The following VPS13C variants were observed in gnomAD, a reference collection of about 807,000 sequenced individuals.
The protein encoded by VPS13C is intermembrane lipid transfer protein VPS13C.
VPS13C carries 358 observed loss-of-function variants against 456.8 expected under a neutral mutation model. The ratio of observed to expected loss-of-function variants is 0.78; its 90% CI spans 0.72 to 0.86. VPS13C has a LOEUF of 0.86. Among genes scored for constraint, VPS13C ranks in the 40% least tolerant of loss-of-function variants. The pLI is 0.00. For missense variants in VPS13C, 4,818 were observed against 4,385.4 expected (o/e 1.10, Z -2.79); for synonymous variants, 1,578 against 1,486.7 (o/e 1.06, Z -1.41).
chr15:62,031,979 A>G (rs537861557), intron 5 of VPS13C, among the ~76,000 whole-genome samples: 1 of 151,890 alleles, frequency 6.6e-6, no homozygotes, highest in Admixed American at 6.6e-5. Flanking sequence ...TTTTAGGCAA[A>G]TATAATTATG....
At chr15:62,006,210 C>T (rs951821508) in intron 15 of VPS13C, among the ~76,000 whole-genome samples, 3 of 151,838 alleles carry the variant, frequency 2.0e-5, no homozygotes, top group African/African-American at 7.3e-5. Context: ...CCCATTAACT[C>T]ATCATTTAGC....
intron 82 of VPS13C, among the ~76,000 whole-genome samples, chr15:61,859,159 C>T (rs1894089349): frequency 6.6e-6 from 1 of 151,894 alleles, no homozygotes; most frequent in Non-Finnish European, 1.5e-5. Context: ...CTGCTTGAGC[C>T]CAGAGTTGAA....
intron 66 of VPS13C, among the ~76,000 whole-genome samples, chr15:61,892,941 G>T (rs1397826228): frequency 6.6e-6 from 1 of 151,996 alleles, no homozygotes; most frequent in African/African-American, 2.4e-5. Context: ...AATACACAGA[G>T]GAGAAAACAG....
At chr15:62,033,217 G>C (rs192793892) in intron 5 of VPS13C, among the ~76,000 whole-genome samples, 1 of 151,326 alleles carries the variant, frequency 6.6e-6, no homozygotes, top group Admixed American at 6.6e-5. Flanking sequence ...ATTAAGAAAA[G>C]TGGAAAAATC....
At chr15:61,873,966 A>G (rs1895224119) in intron 77 of VPS13C, among the ~76,000 whole-genome samples, 1 of 151,768 alleles carries the variant, frequency 6.6e-6, no homozygotes, top group South Asian at 2.1e-4. Flanking sequence ...TGATACACAC[A>G]CACACACACA....
At chr15:61,959,245 T>C (rs2045111676) in intron 36 of VPS13C, among the ~76,000 whole-genome samples, 1 of 152,124 alleles carries the variant, frequency 6.6e-6, no homozygotes, top group African/African-American at 2.4e-5. Flanking sequence ...CCAATATGTA[T>C]GTATAATAAA....
At position 61,863,507 on chromosome 15, in the gene VPS13C, C is replaced by T; in HGVS notation, c.10885G>A (p.Gly3629Arg). 1 of 1,612,662 alleles carries T rather than the reference C, an allele frequency of 6.2e-7. No individual in the cohort carries two copies. The highest frequency in any genetic ancestry group is 1.3e-5 in the African/African-American group (1 of 74,942). ...GCACAGTGGTATCGGTAAGTCTCTC[C>T]TTCCAACTTTTTGATATGATTCTGA... Reference protein sequence around the residue: ...LLENHIKKLEGETYRYHCAIP... With the variant: ...LLENHIKKLERETYRYHCAIP... Residue 3629 changes from glycine to arginine, a missense_variant, in exon 82 of 85, where the codon GGA becomes AGA. Around this residue, in one of 3 missense-constraint regions of VPS13C, gnomAD observed 261 missense variants for 234.1 expected, o/e 1.11. Transcript: ENST00000644861.
intron 8 of VPS13C, among the ~76,000 whole-genome samples, chr15:62,021,435 A>G (rs1468262738): frequency 6.6e-6 from 1 of 151,932 alleles, no homozygotes; most frequent in Non-Finnish European, 1.5e-5. Flanking sequence ...AAAATCTGTC[A>G]ACATTAAGTT....
At chr15:62,005,480 G>C (rs2046800066) in intron 15 of VPS13C, among the ~76,000 whole-genome samples, 3 of 152,010 alleles carry the variant, frequency 2.0e-5, no homozygotes, top group Admixed American at 2.0e-4. Context: ...CAATTTGCCA[G>C]TCTGTGTCTT....
chr15:62,012,278 T>C, intron 11 of VPS13C, 114 bp from the exon 12 acceptor site: 1 of 568,866 alleles, frequency 1.8e-6, no homozygotes, highest in South Asian at 2.4e-5. Flanking sequence ...TCTTCATCAA[T>C]ATCTTTGCTT....
At chr15:61,909,264 G>T in intron 64 of VPS13C, 139 bp from the exon 65 acceptor site, 1 of 1,049,112 alleles carries the variant, frequency 9.5e-7, no homozygotes, top group Non-Finnish European at 1.4e-6. Flanking sequence ...CTGGAGTACA[G>T]TGGCGCCATC....
chr15:61,984,644 T>C (rs956838464), intron 19 of VPS13C, among the ~76,000 whole-genome samples: 3 of 152,002 alleles, frequency 2.0e-5, no homozygotes, highest in Non-Finnish European at 2.9e-5. Context: ...CAATAAATAT[T>C]CACAAAGGAA....
In VPS13C at chr15:61,942,079, G is replaced by A. The variant is rs768778722; in HGVS notation, c.5149-12C>T. The stretch of plus-strand genomic sequence containing the variant: ...TTGTTGAGGAAGTTCTGTTGGAAGA[G>A]ACAGATATTTAGGGGAAAAAAGGCA... On this transcript the variant is annotated splice_polypyrimidine_tract_variant and intron_variant, in intron 45 of 84. Coordinates refer to ENST00000644861, the MANE Select transcript of VPS13C (RefSeq NM_020821.3). 1.3e-6 allele frequency: 2 copies of A among 1,540,100 alleles called. No individual in the cohort carries two copies. The highest frequency in any genetic ancestry group is 1.3e-5 in the South Asian group (1 of 77,804).
chr15:62,026,813 G>A (rs1246758151), intron 6 of VPS13C, among the ~76,000 whole-genome samples: 2 of 152,154 alleles, frequency 1.3e-5, no homozygotes, highest in Admixed American at 6.5e-5. Flanking sequence ...TTCATCAAGG[G>A]AATTCTTAAG....
chr15:62,011,636 G>C (rs957674329), intron 12 of VPS13C, among the ~76,000 whole-genome samples: 5 of 152,038 alleles, frequency 3.3e-5, no homozygotes, highest in Middle Eastern at 3.4e-3. Flanking sequence ...AGGAAGCTTT[G>C]TTAGAGATCC....
At chr15:62,022,170 G>C (rs1311228227) in intron 8 of VPS13C, among the ~76,000 whole-genome samples, 3 of 151,784 alleles carry the variant, frequency 2.0e-5, no homozygotes, top group African/African-American at 7.3e-5. Flanking sequence ...TTATCCTCTG[G>C]AGATATGTTC....
At chr15:61,887,274 C>A (rs531125085) in intron 67 of VPS13C, among the ~76,000 whole-genome samples, 1 of 152,240 alleles carries the variant, frequency 6.6e-6, no homozygotes, top group African/African-American at 2.4e-5. Context: ...AAAATAAAAA[C>A]AGAATACCAT....
At position 62,037,385 on chromosome 15, in the gene VPS13C, TATATA is replaced by T. The variant is rs1168724505; in HGVS notation, c.188-2338_188-2334del. Among the ~76,000 whole-genome samples, 67 of 90,498 alleles carry T rather than the reference TATATA, an allele frequency of 7.4e-4. 2 individuals are homozygous for T. The highest frequency in any genetic ancestry group is 1.3e-3 in the Non-Finnish European group (59 of 45,742). The allele number at this position is 90,498 out of a possible 152,430, so 59.4% of individuals were successfully genotyped here. On this transcript the variant is annotated intron_variant, in intron 3 of 84. Transcript: ENST00000644861. ...GTATATAATATATTATATATAAATG[TATATA>T]ATATATTATATATAAATATATATAA...
rs1350043569 is a variant in VPS13C, at chr15:61,867,883, T to G, written c.10863+776A>C. The G allele has an allele frequency of 3.1e-6, 5 of 1,601,974 alleles. No homozygotes were observed. The highest frequency in any genetic ancestry group is 3.4e-6 in the Non-Finnish European group (4 of 1,174,452). ...AGTCAATTAACACCACAGTTTGTTT[T>G]GATTTTTAAGGATGAAATCAAGTAG... is the stretch of plus-strand genomic sequence containing the variant. On this transcript the variant is annotated intron_variant, in intron 81 of 84. Transcript: ENST00000644861. This position sits in a 1 kb window ranked among gnomAD's most constrained non-coding sequence, Gnocchi z 5.0.
Sources: allele counts gnomAD v4.1 joint callset (sites outside exome capture counted in the v4.1 genomes callset), GRCh38; gene constraint gnomAD v4.1.1; regional missense constraint gnomAD v4.1.1; non-coding constraint Gnocchi (gnomAD v3.1); transcripts MANE v1.5; gene names NCBI Gene and HGNC (gene_info 2026-07-23, HGNC 2026-07-21).